The following PLEKHH2 variants were observed in gnomAD, a reference collection of about 807,000 sequenced individuals.
PLEKHH2 encodes the protein pleckstrin homology domain-containing family H member 2.
PLEKHH2 carries 129 observed loss-of-function variants against 187.9 expected under a neutral mutation model. That is an observed-to-expected ratio of 0.69 (90% CI 0.59 to 0.79). The LOEUF is 0.79. PLEKHH2 is among the 30% of genes least tolerant of loss of function. The pLI is 0.00. For synonymous variants in PLEKHH2, 686 were observed against 605.6 expected (o/e 1.13, Z -1.95); for missense variants, 2,076 against 1,751.2 (o/e 1.19, Z -3.31).
At chr2:43,762,512 T>G in intron 28 of PLEKHH2, 122 bp downstream of exon 28, 1 of 704,492 alleles carries the variant, frequency 1.4e-6, no homozygotes, top group Non-Finnish European at 2.4e-6. Flanking sequence ...TTCTTCCTAA[T>G]ACTATGTCAT....
chr2:43,748,325 G>A (rs1454620354), intron 24 of PLEKHH2, among the ~76,000 whole-genome samples: 2 of 152,180 alleles, frequency 1.3e-5, no homozygotes, highest in Non-Finnish European at 2.9e-5. Flanking sequence ...AATCTAATAG[G>A]CTTCATCCCT....
intron 24 of PLEKHH2, among the ~76,000 whole-genome samples, chr2:43,750,300 C>G (rs1250856078): frequency 6.6e-6 from 1 of 152,102 alleles, no homozygotes; most frequent in Non-Finnish European, 1.5e-5. Context: ...GGTGAAACCC[C>G]GTCTCTACTA....
intron 16 of PLEKHH2, among the ~76,000 whole-genome samples, chr2:43,724,300 C>T (rs1670632039): frequency 6.6e-6 from 1 of 152,270 alleles, no homozygotes; most frequent in African/African-American, 2.4e-5. Context: ...AAGAAGGGCT[C>T]CAGCACTGAG....
chr2:43,736,333 C>T (rs183446282), intron 19 of PLEKHH2, among the ~76,000 whole-genome samples: 84 of 152,258 alleles, frequency 5.5e-4, no homozygotes, highest in African/African-American at 1.7e-3. Context: ...TGGATTTGCC[C>T]TGCCAGTGGT....
chr2:43,766,435 A>G lies in PLEKHH2; in HGVS notation c.*837A>G, dbSNP rs1009492399. The G allele has an allele frequency of 6.6e-6, 1 of 152,626 alleles. No individual in the cohort carries two copies. The highest frequency in any genetic ancestry group is 1.5e-5 in the Non-Finnish European group (1 of 68,038). 9.5% of individuals were successfully genotyped at this position (152,626 alleles called of 1,614,324 possible). ...TCCTCACACATTACCTTCTAATTAT[A>G]GTTTGAAAATAGATTCCCTACACAT... On this transcript the variant is annotated 3_prime_UTR_variant, in exon 30 of 30. Coordinates refer to ENST00000282406, the MANE Select transcript of PLEKHH2 (RefSeq NM_172069.4).
At chr2:43,750,430 C>T (rs1418112450) in intron 24 of PLEKHH2, among the ~76,000 whole-genome samples, 3 of 151,660 alleles carry the variant, frequency 2.0e-5, no homozygotes, top group Admixed American at 6.6e-5. Context: ...CAAATCGTGC[C>T]ACTGCATGCC....
At chr2:43,705,370 C>G (rs1457980054) in intron 9 of PLEKHH2, among the ~76,000 whole-genome samples, 3 of 150,920 alleles carry the variant, frequency 2.0e-5, no homozygotes, top group Admixed American at 1.3e-4. Context: ...ATCCTCCTGC[C>G]TCAGCCTCCT....
intron 13 of PLEKHH2, 40 bp from the exon 14 acceptor site, chr2:43,710,449 A>G (rs895446484): frequency 6.3e-7 from 1 of 1,586,806 alleles, no homozygotes; most frequent in African/African-American, 1.4e-5. Flanking sequence ...TATTACTGTT[A>G]AAGTTAATCA....
intron 3 of PLEKHH2, among the ~76,000 whole-genome samples, chr2:43,679,855 A>G (rs887580317): frequency 1.3e-5 from 2 of 152,166 alleles, no homozygotes; most frequent in African/African-American, 2.4e-5. Context: ...TAAATTTTGT[A>G]ATGACAGGGT....
Position 43,765,376 on chromosome 2 carries a change from T to TCTAA in PLEKHH2, c.4297-36_4297-33dup, listed in dbSNP as rs1487714902. 1.0e-5 allele frequency: 16 copies of TCTAA among 1,598,462 alleles called. No individual in the cohort carries two copies. In the Admixed American group the frequency reaches 2.7e-4, roughly 27 times the overall value. The stretch of plus-strand genomic sequence containing the variant: ...CTCTCTTCTGGAAGTGATGAGAACT[T>TCTAA]CTAAGGAGCAAAACAATTCTGTTTT... On this transcript the variant is annotated intron_variant, in intron 29 of 29. Transcript: ENST00000282406.
intron 2 of PLEKHH2, among the ~76,000 whole-genome samples, chr2:43,669,188 A>C (rs1161750698): frequency 2.6e-5 from 4 of 152,190 alleles, no homozygotes; most frequent in Non-Finnish European, 5.9e-5. Context: ...AAATACCCAG[A>C]CTCAAAGTAA....
chr2:43,751,984 G>GA (rs897572174), intron 24 of PLEKHH2, among the ~76,000 whole-genome samples: 1 of 143,604 alleles, frequency 7.0e-6, no homozygotes, highest in African/African-American at 2.7e-5. Flanking sequence ...CAATTGTGTT[G>GA]CCTGCTGGGA....
chr2:43,699,678 C>A lies in PLEKHH2; in HGVS notation c.720C>A (p.Asn240Lys), dbSNP rs1398023370. The A allele has an allele frequency of 1.2e-6, 2 of 1,613,392 alleles. No individual in the cohort carries two copies. The highest frequency in any genetic ancestry group is 1.7e-6 in the Non-Finnish European group (2 of 1,179,678). ...EMEIPEKSVD[N>K]QVLENNRGQR... ...AAATTCCAGAAAAGTCTGTTGATAA[C>A]CAAGTTCTAGAAAACAACAGAGGCC... is the stretch of plus-strand genomic sequence containing the variant. The change falls in exon 8 of 30, where the codon AAC (asparagine) becomes AAA (lysine). Residue 240 changes from asparagine (N) to lysine (K), a missense_variant. Coordinates refer to ENST00000282406, the MANE Select transcript of PLEKHH2 (RefSeq NM_172069.4).
chr2:43,724,560 T>G (rs1255119250), intron 16 of PLEKHH2, among the ~76,000 whole-genome samples: 1 of 152,200 alleles, frequency 6.6e-6, no homozygotes, highest in Non-Finnish European at 1.5e-5. Context: ...ATAAATTGGC[T>G]TTAGGAAGTT....
chr2:43,765,350 A>C (rs1438268132), intron 29 of PLEKHH2, 63 bp from the exon 30 acceptor site: 3 of 1,516,176 alleles, frequency 2.0e-6, no homozygotes, highest in African/African-American at 1.4e-5. Context: ...CCAACACTTT[A>C]CTCTCTTCTG....
At chr2:43,760,052 T>G (rs1300136210) in intron 27 of PLEKHH2, among the ~76,000 whole-genome samples, 1 of 152,210 alleles carries the variant, frequency 6.6e-6, no homozygotes, top group Non-Finnish European at 1.5e-5. Flanking sequence ...ATAAAATTAA[T>G]GTACTTACGG....
intron 24 of PLEKHH2, among the ~76,000 whole-genome samples, chr2:43,751,427 G>A (rs941592449): frequency 6.6e-6 from 1 of 152,194 alleles, no homozygotes. Flanking sequence ...AGGATGGGAA[G>A]GGCAACAGTA....
At chr2:43,727,637 A>G (rs1430974883) in intron 17 of PLEKHH2, among the ~76,000 whole-genome samples, 2 of 152,172 alleles carry the variant, frequency 1.3e-5, no homozygotes, top group Non-Finnish European at 2.9e-5. Context: ...ATTGTTTTTG[A>G]GCACATGTAT....
At chr2:43,721,336 T>C (rs1328296803) in intron 16 of PLEKHH2, among the ~76,000 whole-genome samples, 1 of 152,156 alleles carries the variant, frequency 6.6e-6, no homozygotes. Context: ...TAACTGAAGC[T>C]ATAAAAATTG....
Sources: gnomAD v4.1 joint callset for allele counts (sites outside exome capture counted in the v4.1 genomes callset) on GRCh38, gnomAD v4.1.1 for gene constraint, MANE v1.5 for transcripts, NCBI Gene and HGNC (gene_info 2026-07-23, HGNC 2026-07-21) for gene names.